The following TTLL5 variants were observed in gnomAD, a reference collection of about 807,000 sequenced individuals.
The protein encoded by TTLL5 is tubulin polyglutamylase TTLL5.
TTLL5 carries 132 observed loss-of-function variants against 168.4 expected under a neutral mutation model. The observed-to-expected ratio is 0.78, with a 90% CI of 0.68 to 0.91. The LOEUF (loss-of-function observed/expected upper bound fraction) is 0.91. Ranked by LOEUF, TTLL5 falls within the 40% of genes least tolerant of loss-of-function variation. TTLL5 has a pLI of 0.00. For synonymous variants in TTLL5, 546 were observed against 558.6 expected, an observed-to-expected ratio of 0.98 and a Z score of 0.32; for missense variants, 1,545 against 1,581.5, an observed-to-expected ratio of 0.98 and a Z score of 0.39.
intron 27 of TTLL5, among the ~76,000 whole-genome samples, chr14:75,801,142 G>A (rs886648351): frequency 6.6e-6 from 1 of 152,148 alleles, no homozygotes; most frequent in African/African-American, 2.4e-5. Context: ...AAGACCATCA[G>A]GTTGGGGCAG....
intron 18 of TTLL5, among the ~76,000 whole-genome samples, chr14:75,757,256 C>T (rs1890331138): frequency 6.6e-6 from 1 of 152,110 alleles, no homozygotes; most frequent in African/African-American, 2.4e-5. Flanking sequence ...AGGATTACAG[C>T]TGTGAGCCAA....
At position 75,719,860 on chromosome 14, in the gene TTLL5, C is replaced by T. The variant is rs374710645; in HGVS notation, c.934+34C>T. 1.9e-6 allele frequency: 3 copies of T among 1,588,170 alleles called. No homozygotes were observed. In the African/African-American group the frequency reaches 4.0e-5, roughly 21 times the overall value. ...TGGGCCTTTTTCCTTCTTGACTTCT[C>T]TTCTTTGGATAACTTTATCATTGTC... On this transcript the variant is annotated intron_variant, in intron 11 of 31. Coordinates refer to ENST00000298832, the MANE Select transcript of TTLL5 (RefSeq NM_015072.5).
chr14:75,802,273 A>G (rs1159947984), intron 27 of TTLL5, among the ~76,000 whole-genome samples: 2 of 151,756 alleles, frequency 1.3e-5, no homozygotes, highest in Non-Finnish European at 2.9e-5. Flanking sequence ...TGCTTCATTT[A>G]TTTTCATTCA....
chr14:75,863,758 C>T lies in TTLL5; in HGVS notation c.3418C>T (p.His1140Tyr). 6.2e-7 allele frequency: 1 copy of T among 1,613,806 alleles called. No individual in the cohort carries two copies. Among genetic ancestry groups the T allele is most frequent in the Non-Finnish European group, 8.5e-7 (1 of 1,179,934 alleles). ...AGGGGTGGTCCCCCAGCACAAGTAT[C>T]ACCCCACAGCAGGCAGCTATCAGCT... is the stretch of plus-strand genomic sequence containing the variant. Reference protein sequence around the residue: ...ATGVVPQHKYHPTAGSYQLQF... With the variant: ...ATGVVPQHKYYPTAGSYQLQF... Residue 1140 changes from histidine to tyrosine, a missense_variant, in exon 29 of 32, where the codon CAC becomes TAC. Physicochemically the swap from His to Tyr is moderately conservative, Grantham distance 83 (BLOSUM62 2). Coordinates refer to ENST00000298832, the MANE Select transcript of TTLL5 (RefSeq NM_015072.5).
Position 75,825,070 on chromosome 14 carries a change from C to T in TTLL5, c.3326+4909C>T, listed in dbSNP as rs543684915. On this transcript the variant is annotated intron_variant, in intron 28 of 31. Coordinates refer to ENST00000298832, the MANE Select transcript of TTLL5 (RefSeq NM_015072.5). ...AACCATAATTTCCCCATCTTTTTTTCAATGCACATAGTTAAACCCACCTCA... is the reference window on the plus strand; with the variant it reads ...AACCATAATTTCCCCATCTTTTTTTTAATGCACATAGTTAAACCCACCTCA... 6.6e-5 allele frequency among the ~76,000 whole-genome samples: 10 copies of T among 152,156 alleles called. No individual in the cohort carries two copies. The South Asian group carries it at 2.1e-3, about 32-fold the overall frequency.
At chr14:75,745,249 G>A (rs953859784) in intron 16 of TTLL5, 41 bp downstream of exon 16, 15 of 1,583,784 alleles carry the variant, frequency 9.5e-6, no homozygotes, top group Admixed American at 1.7e-5. Flanking sequence ...GGTTAACACA[G>A]GGTTTAGTGA....
intron 17 of TTLL5, among the ~76,000 whole-genome samples, chr14:75,746,975 A>G (rs1889655261): frequency 6.6e-6 from 1 of 152,124 alleles, no homozygotes; most frequent in Non-Finnish European, 1.5e-5. Flanking sequence ...AGTTTTATTC[A>G]AATTTGGAAA....
In TTLL5 at chr14:75,926,014, C is replaced by G. The variant is rs568422062; in HGVS notation, c.3823+23790C>G. 6.7e-4 allele frequency among the ~76,000 whole-genome samples: 102 copies of G among 151,546 alleles called. 3 individuals are homozygous for G. The highest frequency in any genetic ancestry group is 2.4e-3 in the African/African-American group (97 of 40,894). ...AGATGGCGGCAGTATAGTCCAGCTT[C>G]GCCTTGGCATCAGAGGGAGACCGGG... On this transcript the variant is annotated intron_variant, in intron 31 of 31. Transcript: ENST00000298832.
chr14:75,921,586 A>G (rs899741747), intron 31 of TTLL5, among the ~76,000 whole-genome samples: 1 of 152,000 alleles, frequency 6.6e-6, no homozygotes, highest in South Asian at 2.1e-4. Context: ...TGGTCTATAT[A>G]TCTGTTTTGG....
chr14:75,734,371 G>C (rs1888753378), intron 14 of TTLL5, among the ~76,000 whole-genome samples: 1 of 152,166 alleles, frequency 6.6e-6, no homozygotes, highest in Non-Finnish European at 1.5e-5. Context: ...TTGTTGCAAA[G>C]GAGACTGGCT....
At chr14:75,757,540 A>G (rs1024126591) in intron 18 of TTLL5, among the ~76,000 whole-genome samples, 2 of 152,246 alleles carry the variant, frequency 1.3e-5, no homozygotes, top group African/African-American at 4.8e-5. Context: ...GTTGTGATGA[A>G]TAAGCAGTTT....
chr14:75,717,949 G>A lies in TTLL5; in HGVS notation c.829G>A (p.Gly277Arg). 6.2e-7 allele frequency: 1 copy of A among 1,613,494 alleles called. No homozygotes were observed. Among genetic ancestry groups the A allele is most frequent in the East Asian group, 2.2e-5 (1 of 44,798 alleles). ...AAACTACAGTGTCAACAAGAAAAGT[G>A]GAGATTACGTCAGGTACTGGCTGTG... ...LTNYSVNKKS[G>R]DYVSCDDPEV... The change falls in exon 10 of 32, where the codon GGA becomes AGA. Residue 277 changes from glycine (G) to arginine (R), a missense_variant. Transcript: ENST00000298832.
At chr14:75,835,976 G>C (rs1566624733) in intron 28 of TTLL5, among the ~76,000 whole-genome samples, 1 of 152,200 alleles carries the variant, frequency 6.6e-6, no homozygotes, top group African/African-American at 2.4e-5. Flanking sequence ...ATGGAGAACA[G>C]TTTGGAGATT....
intron 31 of TTLL5, among the ~76,000 whole-genome samples, chr14:75,919,973 T>A (rs2033767389): frequency 6.6e-6 from 1 of 151,970 alleles, no homozygotes; most frequent in African/African-American, 2.4e-5. Flanking sequence ...ATACAAAAAT[T>A]AGCCAGGCAT....
intron 4 of TTLL5, among the ~76,000 whole-genome samples, chr14:75,683,101 C>A (rs1555381454): frequency 6.6e-6 from 1 of 152,134 alleles, no homozygotes; most frequent in Non-Finnish European, 1.5e-5. Flanking sequence ...CAGTTTGTAT[C>A]CTGTCTTGTT....
intron 30 of TTLL5, among the ~76,000 whole-genome samples, chr14:75,901,111 A>G (rs1408070588): frequency 2.0e-5 from 3 of 152,242 alleles, no homozygotes; most frequent in Non-Finnish European, 4.4e-5. Context: ...AAATCAAGGC[A>G]GATAGACCCA....
chr14:75,755,687 G>A (rs1418402016), intron 18 of TTLL5, among the ~76,000 whole-genome samples: 2 of 152,064 alleles, frequency 1.3e-5, no homozygotes, highest in Non-Finnish European at 2.9e-5. Context: ...ACGGAAACAT[G>A]CATTGAAAAA....
chr14:75,928,060 G>A (rs143416839), intron 31 of TTLL5, among the ~76,000 whole-genome samples: 17 of 152,120 alleles, frequency 1.1e-4, no homozygotes, highest in Admixed American at 6.5e-4. Flanking sequence ...CCCCTGGTTT[G>A]CTGGGATGCT....
chr14:75,901,505 C>T (rs1275001195), intron 30 of TTLL5, among the ~76,000 whole-genome samples: 2 of 152,200 alleles, frequency 1.3e-5, no homozygotes, highest in African/African-American at 4.8e-5. Flanking sequence ...GTACATTTCT[C>T]AGTCTTGCGA....
Sources: gnomAD v4.1 joint callset for allele counts (sites outside exome capture counted in the v4.1 genomes callset) on GRCh38, gnomAD v4.1.1 for gene constraint, MANE v1.5 for transcripts, NCBI Gene and HGNC (gene_info 2026-07-23, HGNC 2026-07-21) for gene names.